AKAP19: variants seen among roughly 807,000 people sequenced by gnomAD.
AKAP19 encodes small A-kinase anchoring protein.
At chr2:189,920,020 T>C in the AKAP19 span, among the ~76,000 whole-genome samples, 1 of 152,224 alleles carries the variant, frequency 6.6e-6, no homozygotes, top group Non-Finnish European at 1.5e-5. Context: ...TCCATGTTAT[T>C]GTAGGATACA....
the AKAP19 span, among the ~76,000 whole-genome samples, chr2:190,106,503 C>T: frequency 6.6e-6 from 1 of 152,054 alleles, no homozygotes; most frequent in African/African-American, 2.4e-5. Context: ...GGTGACTTTC[C>T]TGTTCTTAAT....
the AKAP19 span, chr2:190,199,610 A>C: frequency 1.4e-6 from 1 of 730,034 alleles, no homozygotes; most frequent in Non-Finnish European, 1.9e-6. Flanking sequence ...ATGTGACCAA[A>C]GTGATGAAAG....
chr2:189,933,894 T>C, the AKAP19 span, among the ~76,000 whole-genome samples: 4 of 152,124 alleles, frequency 2.6e-5, no homozygotes, highest in Admixed American at 2.6e-4. Flanking sequence ...TGGACAGCCT[T>C]TTCTCAGCTA....
the AKAP19 span, among the ~76,000 whole-genome samples, chr2:190,129,249 A>G: frequency 1.3e-5 from 2 of 152,164 alleles, no homozygotes; most frequent in African/African-American, 2.4e-5. Flanking sequence ...TTTTTCTATA[A>G]AAGTGTGGTT....
the AKAP19 span, among the ~76,000 whole-genome samples, chr2:189,961,507 A>G: frequency 5.9e-5 from 9 of 152,184 alleles, no homozygotes; most frequent in African/African-American, 2.2e-4. Flanking sequence ...AAAATCATAT[A>G]TAAATCTTAT....
At chr2:190,138,922 T>C in the AKAP19 span, among the ~76,000 whole-genome samples, 1 of 152,364 alleles carries the variant, frequency 6.6e-6, no homozygotes, top group Non-Finnish European at 1.5e-5. Context: ...TGAGCCTCAA[T>C]TTCCACATCT....
the AKAP19 span, among the ~76,000 whole-genome samples, chr2:190,102,508 A>G: frequency 1.3e-5 from 2 of 151,992 alleles, 1 homozygote; most frequent in South Asian, 4.1e-4. Context: ...GCGACATTAC[A>G]ATTGAGCCTA....
At chr2:190,038,943 CTT>C in the AKAP19 span, among the ~76,000 whole-genome samples, 118 of 144,324 alleles carry the variant, frequency 8.2e-4, 2 homozygotes, top group African/African-American at 2.7e-3. Context: ...TCTTCTTCTT[CTT>C]CTTCTTCTTC....
At chr2:190,028,488 G>C in the AKAP19 span, among the ~76,000 whole-genome samples, 3 of 152,028 alleles carry the variant, frequency 2.0e-5, no homozygotes, top group Non-Finnish European at 2.9e-5. Context: ...CTGAATTTTG[G>C]TAAGATCTTT....
the AKAP19 span, among the ~76,000 whole-genome samples, chr2:189,911,948 C>A: frequency 6.6e-6 from 1 of 151,224 alleles, no homozygotes; most frequent in African/African-American, 2.4e-5. Context: ...GTTGATTTAC[C>A]CTTCCTTATG....
At chr2:190,048,253 G>T in the AKAP19 span, among the ~76,000 whole-genome samples, 3 of 152,018 alleles carry the variant, frequency 2.0e-5, no homozygotes, top group African/African-American at 7.2e-5. Context: ...TTTAATTTAG[G>T]CCCAGAGAGG....
the AKAP19 span, among the ~76,000 whole-genome samples, chr2:190,168,086 G>A: frequency 3.3e-5 from 5 of 152,188 alleles, no homozygotes; most frequent in Admixed American, 1.3e-4. Flanking sequence ...GGACATTCAG[G>A]TGTTTCCATT....
chr2:189,977,443 A>T, the AKAP19 span, among the ~76,000 whole-genome samples: 14 of 152,302 alleles, frequency 9.2e-5, no homozygotes, highest in African/African-American at 3.1e-4. Flanking sequence ...TTTTGGCTCC[A>T]GGCATCCAGT....
At chr2:190,194,853 G>A in the AKAP19 span, among the ~76,000 whole-genome samples, 1 of 151,874 alleles carries the variant, frequency 6.6e-6, no homozygotes, top group Admixed American at 6.6e-5. Context: ...TCTTCCCATG[G>A]CTGGATTATT....
chr2:190,120,235 G>A, the AKAP19 span, among the ~76,000 whole-genome samples: 1 of 152,070 alleles, frequency 6.6e-6, no homozygotes, highest in Non-Finnish European at 1.5e-5. Context: ...CAGGTTTCGC[G>A]CACCTTATGA....
chr2:189,974,436 T>G, the AKAP19 span, among the ~76,000 whole-genome samples: 1 of 152,244 alleles, frequency 6.6e-6, no homozygotes, highest in East Asian at 1.9e-4. Context: ...GATGTGGTGC[T>G]AAGAAGAATG....
At chr2:190,106,193 T>C in the AKAP19 span, among the ~76,000 whole-genome samples, 1 of 152,338 alleles carries the variant, frequency 6.6e-6, no homozygotes, top group Middle Eastern at 3.4e-3. Flanking sequence ...TTAACCGTAT[T>C]TTTGTGCTTA....
chr2:190,117,934 C>A, the AKAP19 span, among the ~76,000 whole-genome samples: 4 of 152,064 alleles, frequency 2.6e-5, no homozygotes, highest in African/African-American at 9.7e-5. Flanking sequence ...TTAGGCAAAG[C>A]TGGTTTTTTG....
the AKAP19 span, among the ~76,000 whole-genome samples, chr2:190,052,738 T>A: frequency 6.6e-6 from 1 of 152,228 alleles, no homozygotes; most frequent in Non-Finnish European, 1.5e-5. Flanking sequence ...ATGGTTAGGA[T>A]AACAAATTAA....
Sources: allele counts gnomAD v4.1 joint callset (sites outside exome capture counted in the v4.1 genomes callset), GRCh38; gene constraint gnomAD v4.1.1; transcripts MANE v1.5; gene names NCBI Gene and HGNC (gene_info 2026-07-23, HGNC 2026-07-21).